Variants in COG7 observed in about 807,000 individuals in gnomAD.
COG7 encodes the protein conserved oligomeric Golgi complex subunit 7.
A neutral mutation model predicts 91.5 loss-of-function variants in COG7; 49 were observed. The observed-to-expected ratio is 0.54, with a 90% CI of 0.43 to 0.68. The LOEUF is 0.68. COG7 is among the 30% of genes least tolerant of loss of function. The pLI is 0.00. For synonymous variants in COG7, 365 were observed against 388.7 expected (o/e 0.94, Z 0.72); for missense variants, 895 against 961.3 (o/e 0.93, Z 0.91).
At chr16:23,450,672 C>A (rs947593916) in intron 1 of COG7, among the ~76,000 whole-genome samples, 22 of 150,616 alleles carry the variant, frequency 1.5e-4, no homozygotes, top group Non-Finnish European at 3.0e-4. Context: ...TACAAAAAAT[C>A]AAAAAATTGT....
intron 16 of COG7, 125 bp downstream of exon 16, chr16:23,392,255 A>G: frequency 6.5e-7 from 1 of 1,537,882 alleles, no homozygotes; most frequent in Non-Finnish European, 8.7e-7. Flanking sequence ...AACCAGCTTC[A>G]GAGCCAAATC....
intron 4 of COG7, 144 bp downstream of exon 4, chr16:23,442,333 C>CAAAAAAA: frequency 1.8e-6 from 1 of 547,792 alleles, no homozygotes; most frequent in Non-Finnish European, 3.0e-6. Flanking sequence ...GACTCCGTCT[C>CAAAAAAA]AAAAAAAAAA....
intron 1 of COG7, among the ~76,000 whole-genome samples, chr16:23,448,713 G>C (rs1295529537): frequency 6.6e-6 from 1 of 152,082 alleles, no homozygotes; most frequent in Admixed American, 6.6e-5. Flanking sequence ...TAATACCAAG[G>C]AAGTAGTGAA....
At position 23,392,081 on chromosome 16, in the gene COG7, G is replaced by A. The variant is rs1036139976; in HGVS notation, c.2146+299C>T. ...CTGGTTGGGAATTATGGCACAAATG[G>A]AGCGGGCCAGGTGGGGCCAGGCTGC... On this transcript the variant is annotated intron_variant, in intron 16 of 16. Coordinates refer to ENST00000307149, the MANE Select transcript of COG7 (RefSeq NM_153603.4). 6.1e-6 allele frequency: 8 copies of A among 1,303,482 alleles called. No homozygotes were observed. In the African/African-American group the frequency reaches 1.1e-4, roughly 17 times the overall value. The allele number at this position is 1,303,482 out of a possible 1,614,324, so 80.7% of individuals were successfully genotyped here.
At chr16:23,419,949 C>A (rs1963727706) in intron 7 of COG7, among the ~76,000 whole-genome samples, 1 of 151,776 alleles carries the variant, frequency 6.6e-6, no homozygotes, top group Non-Finnish European at 1.5e-5. Context: ...CCAGCCCTGG[C>A]CAATACTGTG....
chr16:23,398,202 A>C, intron 13 of COG7, 73 bp from the exon 14 acceptor site: 1 of 1,205,286 alleles, frequency 8.3e-7, no homozygotes, highest in Non-Finnish European at 1.2e-6. Flanking sequence ...CCAGAAATAC[A>C]CAAGAAGAAC....
chr16:23,392,467 T>C lies in COG7; in HGVS notation c.2059A>G (p.Arg687Gly). 2 of 1,614,226 alleles carry C rather than the reference T, an allele frequency of 1.2e-6. No homozygotes were observed. The highest frequency in any genetic ancestry group is 1.7e-6 in the Non-Finnish European group (2 of 1,180,052). Residue 687 changes from arginine (R) to glycine (G), a missense_variant, in exon 16 of 17, where the codon AGA (arginine) becomes GGA (glycine). Arg to Gly is a moderately radical substitution (Grantham distance 125, BLOSUM62 -2). Coordinates refer to ENST00000307149, the MANE Select transcript of COG7 (RefSeq NM_153603.4). ...MADNWLGSIA[R>G]ATMQTYCDAI... ...TCACAGTAGGTCTGCATTGTGGCTC[T>C]GGCGATCGAGCCCAGCCAGTTGTCA... is the stretch of plus-strand genomic sequence containing the variant.
chr16:23,419,678 G>A (rs1181159638), intron 7 of COG7, among the ~76,000 whole-genome samples: 2 of 150,222 alleles, frequency 1.3e-5, no homozygotes, highest in Non-Finnish European at 3.0e-5. Context: ...GAACCCAGGA[G>A]GTGGAGGTTG....
At chr16:23,443,295 C>T (rs1040125243) in intron 3 of COG7, among the ~76,000 whole-genome samples, 2 of 152,172 alleles carry the variant, frequency 1.3e-5, no homozygotes, top group Admixed American at 1.3e-4. Flanking sequence ...CTATAAATCT[C>T]AGCATTTTCA....
intron 5 of COG7, 143 bp downstream of exon 5, chr16:23,434,493 C>G (rs1423435719): frequency 7.1e-6 from 5 of 708,046 alleles, no homozygotes; most frequent in Non-Finnish European, 1.0e-5. Context: ...CAAGAGCACC[C>G]CCTACTGGCT....
intron 6 of COG7, 24 bp from the exon 7 acceptor site, chr16:23,424,971 T>G: frequency 1.3e-6 from 2 of 1,574,720 alleles, no homozygotes; most frequent in Non-Finnish European, 8.6e-7. Context: ...GAGGTGTACC[T>G]GCCTTAGCAC....
intron 13 of COG7, among the ~76,000 whole-genome samples, chr16:23,403,391 T>C (rs557161055): frequency 1.3e-5 from 2 of 152,344 alleles, no homozygotes; most frequent in East Asian, 3.9e-4. Context: ...TGACCTGGCC[T>C]AACCTACGAA....
In COG7 at chr16:23,406,077, T is replaced by C. The variant is rs1415460269; in HGVS notation, c.1661A>G (p.Lys554Arg). ...AATGCCATTCATTTGGTCTCATACC[T>C]TAAGGGTATAAAGTATTTCCATTAA... The part of the protein sequence containing the change: ...ASLMEILYTL[K>R]EKGSSNHNLL... Residue 554 changes from lysine to arginine, a missense_variant and splice_region_variant, in exon 12 of 17, where the codon AAG becomes AGG. Physicochemically the swap from Lys to Arg is conservative, Grantham distance 26. Coordinates refer to ENST00000307149, the MANE Select transcript of COG7 (RefSeq NM_153603.4). The C allele has an allele frequency of 6.8e-6, 11 of 1,613,282 alleles. No individual in the cohort carries two copies. Among genetic ancestry groups the C allele is most frequent in the Non-Finnish European group, 9.3e-6 (11 of 1,179,314 alleles).
At chr16:23,402,428 A>G (rs911322718) in intron 13 of COG7, among the ~76,000 whole-genome samples, 70 of 152,258 alleles carry the variant, frequency 4.6e-4, no homozygotes, top group Non-Finnish European at 7.4e-5. Flanking sequence ...AAAATCAAGT[A>G]AGTCATTCTT....
chr16:23,419,970 T>A (rs748072792), intron 7 of COG7, among the ~76,000 whole-genome samples: 2 of 151,734 alleles, frequency 1.3e-5, no homozygotes, highest in Non-Finnish European at 2.9e-5. Context: ...AAACCCCATC[T>A]CTACTAAAAA....
chr16:23,394,728 C>G (rs2047108), intron 14 of COG7, among the ~76,000 whole-genome samples: 12,191 of 152,080 alleles, frequency 0.08, 869 homozygotes, highest in African/African-American at 0.19. Flanking sequence ...ATGATCATGC[C>G]CTTCTTTCCA....
chr16:23,400,168 A>G (rs2142063323), intron 13 of COG7, among the ~76,000 whole-genome samples: 1 of 152,306 alleles, frequency 6.6e-6, no homozygotes, highest in East Asian at 1.9e-4. Flanking sequence ...AAAACAGACA[A>G]TCAGACTAGC....
chr16:23,442,436 T>C lies in COG7; in HGVS notation c.604+41A>G, dbSNP rs749538160. 3.8e-6 allele frequency: 6 copies of C among 1,591,698 alleles called. No homozygotes were observed. In the Admixed American group the frequency reaches 1.0e-4, roughly 27 times the overall value. Reference sequence around the variant, plus strand: ...GAAGACTTACAAGGCCTTATCTTTATAGAGAGATATACACAGAGATGAGAA... The same window carrying C: ...GAAGACTTACAAGGCCTTATCTTTACAGAGAGATATACACAGAGATGAGAA... On this transcript the variant is annotated intron_variant, in intron 4 of 16. Transcript: ENST00000307149.
chr16:23,438,506 C>T (rs1964047676), intron 4 of COG7, among the ~76,000 whole-genome samples: 1 of 152,054 alleles, frequency 6.6e-6, no homozygotes, highest in Non-Finnish European at 1.5e-5. Flanking sequence ...TGCGGTGAGC[C>T]ATGATTGCAC....
Sources: allele counts gnomAD v4.1 joint callset (sites outside exome capture counted in the v4.1 genomes callset), GRCh38; gene constraint gnomAD v4.1.1; transcripts MANE v1.5; gene names NCBI Gene and HGNC (gene_info 2026-07-23, HGNC 2026-07-21).